The following IQSEC3 variants were observed in gnomAD, a reference collection of about 807,000 sequenced individuals.
The protein encoded by IQSEC3 is IQ motif and SEC7 domain-containing protein 3.
A neutral mutation model predicts 105.4 loss-of-function variants in IQSEC3; 50 were observed. The ratio of observed to expected loss-of-function variants is 0.47; its 90% CI spans 0.38 to 0.60. The LOEUF is 0.60. IQSEC3 is among the 20% of genes least tolerant of loss of function. The probability of loss-of-function intolerance (pLI) is 0.00; values close to 1 mark genes in which losing one functional copy is unlikely to be tolerated. For missense variants in IQSEC3, 1,415 were observed against 1,630.0 expected, an observed-to-expected ratio of 0.87 and a Z score of 2.27; for synonymous variants, 708 against 746.0, an observed-to-expected ratio of 0.95 and a Z score of 0.83.
chr12:141,522 G>A, intron 5 of IQSEC3: 1 of 494,358 alleles, frequency 2.0e-6, no homozygotes, highest in Middle Eastern at 5.3e-4. Context: ...TGAGGCAGCA[G>A]GGATACAGAA....
chr12:121,321 A>G (rs575893923), intron 2 of IQSEC3, among the ~76,000 whole-genome samples: 1 of 152,348 alleles, frequency 6.6e-6, no homozygotes, highest in East Asian at 1.9e-4. Flanking sequence ...ATGACAGCCT[A>G]AGGTGAAGAT....
intron 1 of IQSEC3, among the ~76,000 whole-genome samples, chr12:85,748 G>A (rs1388386131): frequency 6.6e-6 from 1 of 152,206 alleles, no homozygotes; most frequent in Non-Finnish European, 1.5e-5. Context: ...GTGATACTGA[G>A]CAAATATCTT....
At chr12:105,028 C>A (rs1864596984) in intron 2 of IQSEC3, among the ~76,000 whole-genome samples, 1 of 152,240 alleles carries the variant, frequency 6.6e-6, no homozygotes, top group Non-Finnish European at 1.5e-5. Context: ...TGGCTTAGGG[C>A]GGCAGCGTGG....
chr12:69,516 T>C (rs1863227353), intron 1 of IQSEC3, among the ~76,000 whole-genome samples: 1 of 152,284 alleles, frequency 6.6e-6, no homozygotes, highest in Non-Finnish European at 1.5e-5. Flanking sequence ...TGGAAGTTAT[T>C]GGAATCTTTC....
At chr12:97,612 C>T (rs552541141) in intron 1 of IQSEC3, among the ~76,000 whole-genome samples, 7 of 152,202 alleles carry the variant, frequency 4.6e-5, no homozygotes, top group East Asian at 3.9e-4. Flanking sequence ...GCCAGGAGTT[C>T]GAGACCAGGC....
intron 1 of IQSEC3, among the ~76,000 whole-genome samples, chr12:71,808 C>T (rs1555067626): frequency 6.6e-6 from 1 of 152,268 alleles, no homozygotes; most frequent in Non-Finnish European, 1.5e-5. Flanking sequence ...GCTCATCAAT[C>T]TGCCTATCCT....
In IQSEC3 at chr12:96,695, T is replaced by C. The variant is rs146321987; in HGVS notation, c.555-2451T>C. ...AGTCTTAAGAGCTCTGTTAAGACTG[T>C]TTTAATGTTTTTTGTTAAATATTAA... On this transcript the variant is annotated intron_variant, in intron 1 of 13. Coordinates refer to ENST00000538872, the MANE Select transcript of IQSEC3 (RefSeq NM_001170738.2). 2.1e-3 allele frequency among the ~76,000 whole-genome samples: 316 copies of C among 152,300 alleles called. 1 individual carries two copies. The highest frequency in any genetic ancestry group is 7.0e-3 in the African/African-American group (289 of 41,564).
chr12:74,631 C>T (rs1233331270), intron 1 of IQSEC3, among the ~76,000 whole-genome samples: 1 of 152,276 alleles, frequency 6.6e-6, no homozygotes, highest in Non-Finnish European at 1.5e-5. Context: ...TGTCCAAGTC[C>T]CTGCCCAGAG....
chr12:169,087 A>G lies in IQSEC3; in HGVS notation c.3046A>G (p.Lys1016Glu), dbSNP rs1938830408. Residue 1016 changes from lysine (K) to glutamate (E), a missense_variant, in exon 12 of 14, where the codon AAG becomes GAG. This residue lies in a region of IQSEC3 where 419 missense variants were observed against 436.2 expected (regional missense o/e 0.96). Coordinates refer to ENST00000538872, the MANE Select transcript of IQSEC3 (RefSeq NM_001170738.2). ...CGGAGCCCAGGGGGACCCACAGTCAAAGCAAGGATCGCCGACAGGTGAGCC... is the reference window on the plus strand; with the variant it reads ...CGGAGCCCAGGGGGACCCACAGTCAGAGCAAGGATCGCCGACAGGTGAGCC... ...PCGAQGDPQSKQGSPTAKREA... is the reference protein window; with the variant it reads ...PCGAQGDPQSEQGSPTAKREA... 6.2e-7 allele frequency: 1 copy of G among 1,613,948 alleles called. No homozygotes were observed. The highest frequency in any genetic ancestry group is 8.5e-7 in the Non-Finnish European group (1 of 1,179,998).
At position 163,521 on chromosome 12, in the gene IQSEC3, G is replaced by A. The variant is rs1282511771; in HGVS notation, c.2611G>A (p.Val871Met). 1.2e-6 allele frequency: 2 copies of A among 1,611,010 alleles called. No individual in the cohort carries two copies. The highest frequency in any genetic ancestry group is 2.7e-5 in the African/African-American group (2 of 74,810). Residue 871 changes from valine to methionine, a missense_variant, in exon 9 of 14, where the codon GTG becomes ATG. By Grantham distance (21) the Val-to-Met change is conservative (BLOSUM62 1). This residue lies in a region of IQSEC3 where 419 missense variants were observed against 436.2 expected (regional missense o/e 0.96). Coordinates refer to ENST00000538872, the MANE Select transcript of IQSEC3 (RefSeq NM_001170738.2). ...GCTGTCCGTGCCCCACCGCCGCCTG[G>A]TGTGCTGCAGCCGGCTCTTCGAGGT... is the stretch of plus-strand genomic sequence containing the variant. Reference protein sequence around the residue: ...TVLSVPHRRLVCCSRLFEVTD... With the variant: ...TVLSVPHRRLMCCSRLFEVTD...
intron 12 of IQSEC3, 60 bp from the exon 13 acceptor site, chr12:171,052 G>A (rs1381230500): frequency 5.0e-6 from 8 of 1,599,670 alleles, no homozygotes; most frequent in Non-Finnish European, 6.8e-6. Flanking sequence ...GGGCACAGGG[G>A]AGGGGCAGGG....
Position 125,893 on chromosome 12 carries a change from T to A in IQSEC3, c.884T>A (p.Leu295His). Residue 295 changes from leucine to histidine, a missense_variant, in exon 3 of 14, where the codon CTT becomes CAT. Leu to His is a moderately conservative substitution (Grantham distance 99). Coordinates refer to ENST00000538872, the MANE Select transcript of IQSEC3 (RefSeq NM_001170738.2). ...APAASDYELS[L>H]DLKNKQIEML... ...GCCGCCTCCGATTACGAACTCTCCC[T>A]TGACCTAAAGAATAAACAGGTACCC... 1 of 1,533,546 alleles carries A rather than the reference T, an allele frequency of 6.5e-7. No individual in the cohort carries two copies. The highest frequency in any genetic ancestry group is 8.7e-7 in the Non-Finnish European group (1 of 1,146,396). The allele number at this position is 1,533,546 out of a possible 1,614,324, so 95.0% of individuals were successfully genotyped here.
intron 1 of IQSEC3, among the ~76,000 whole-genome samples, chr12:76,924 G>A (rs1863555306): frequency 6.6e-6 from 1 of 152,238 alleles, no homozygotes; most frequent in Admixed American, 6.5e-5. Context: ...CCTCCAATCA[G>A]GAATGCACGC....
chr12:74,540 G>T (rs1169933727), intron 1 of IQSEC3, among the ~76,000 whole-genome samples: 1 of 152,284 alleles, frequency 6.6e-6, no homozygotes, highest in Non-Finnish European at 1.5e-5. Flanking sequence ...GGAGGGTTAT[G>T]TAACTCTTCA....
At chr12:74,272 G>A (rs1296227763) in intron 1 of IQSEC3, among the ~76,000 whole-genome samples, 1 of 152,286 alleles carries the variant, frequency 6.6e-6, no homozygotes, top group Non-Finnish European at 1.5e-5. Context: ...AAGCTGAAAA[G>A]AACAGCAGGG....
intron 3 of IQSEC3, among the ~76,000 whole-genome samples, chr12:127,845 G>A (rs1006032586): frequency 6.6e-6 from 1 of 152,126 alleles, no homozygotes; most frequent in Non-Finnish European, 1.5e-5. Context: ...CACTCTGATG[G>A]TAGTTTCTTT....
intron 1 of IQSEC3, among the ~76,000 whole-genome samples, chr12:92,852 G>C (rs782808481): frequency 6.6e-6 from 1 of 152,198 alleles, no homozygotes; most frequent in Non-Finnish European, 1.5e-5. Context: ...GGTTCTTGCT[G>C]TATTGAGGAG....
intron 1 of IQSEC3, among the ~76,000 whole-genome samples, chr12:89,090 TC>T: frequency 6.6e-6 from 1 of 152,234 alleles, no homozygotes; most frequent in East Asian, 1.9e-4. Flanking sequence ...TGGGTCTGCA[TC>T]TCCAGCCCAG....
At chr12:92,584 T>C (rs1555073756) in intron 1 of IQSEC3, among the ~76,000 whole-genome samples, 1 of 152,232 alleles carries the variant, frequency 6.6e-6, no homozygotes, top group East Asian at 1.9e-4. Flanking sequence ...ACCTCTCTCC[T>C]TTCTTTACTT....
Sources: allele counts gnomAD v4.1 joint callset (sites outside exome capture counted in the v4.1 genomes callset), GRCh38; gene constraint gnomAD v4.1.1; regional missense constraint gnomAD v4.1.1; transcripts MANE v1.5; gene names NCBI Gene and HGNC (gene_info 2026-07-23, HGNC 2026-07-21).